HMGB1: variants seen among roughly 807,000 people sequenced by gnomAD.
HMGB1 encodes high mobility group protein B1.
For missense variants in HMGB1, 79 were observed against 253.5 expected, an observed-to-expected ratio of 0.31 and a Z score of 4.67; for synonymous variants, 81 against 84.0, an observed-to-expected ratio of 0.96 and a Z score of 0.19.
chr13:30,593,880 A>G (rs1350887154), intron 1 of HMGB1, among the ~76,000 whole-genome samples: 1 of 152,240 alleles, frequency 6.6e-6, no homozygotes, highest in African/African-American at 2.4e-5. Context: ...GAAATGTTAC[A>G]GATTGAAGGA....
At chr13:30,569,192 G>C (rs969323943) in intron 1 of HMGB1, among the ~76,000 whole-genome samples, 1 of 152,076 alleles carries the variant, frequency 6.6e-6, no homozygotes, top group African/African-American at 2.4e-5. Flanking sequence ...GTCTTACGTA[G>C]CAAAAAGAAG....
rs144364467 is a variant in HMGB1, at chr13:30,528,203, A to G, written c.-14-64509T>C. ...TTGACTCAGGGCTCCCATCGCCAGCAAAATGTAAATATGAAATGTCTTTTT... is the reference window on the plus strand; with the variant it reads ...TTGACTCAGGGCTCCCATCGCCAGCGAAATGTAAATATGAAATGTCTTTTT... On this transcript the variant is annotated intron_variant, in intron 1 of 4. Coordinates refer to the HMGB1 transcript ENST00000405805. Among the ~76,000 whole-genome samples, 774 of 152,356 alleles carry G rather than the reference A, an allele frequency of 5.1e-3. 11 individuals carry two copies. The highest frequency in any genetic ancestry group is 0.018 in the African/African-American group (738 of 41,586).
At chr13:30,529,482 T>C (rs1463297108) in intron 1 of HMGB1, among the ~76,000 whole-genome samples, 2 of 152,210 alleles carry the variant, frequency 1.3e-5, no homozygotes, top group African/African-American at 4.8e-5. Flanking sequence ...TTTTGCCACA[T>C]TTTAAAGTTT....
intron 1 of HMGB1, among the ~76,000 whole-genome samples, chr13:30,613,944 G>A (rs1048489703): frequency 1.3e-5 from 2 of 150,980 alleles, no homozygotes; most frequent in East Asian, 3.8e-4. Context: ...ATGAAATAAT[G>A]GTACATTATA....
intron 1 of HMGB1, among the ~76,000 whole-genome samples, chr13:30,604,204 C>T (rs899383837): frequency 2.0e-5 from 3 of 152,018 alleles, no homozygotes; most frequent in Non-Finnish European, 4.4e-5. Flanking sequence ...TCTGTAGGCA[C>T]TTACAGATTT....
At chr13:30,556,391 A>G (rs1869690584) in intron 1 of HMGB1, among the ~76,000 whole-genome samples, 1 of 152,192 alleles carries the variant, frequency 6.6e-6, no homozygotes, top group Admixed American at 6.5e-5. Flanking sequence ...GCAACAAGAG[A>G]GAAACTCTGT....
intron 1 of HMGB1, among the ~76,000 whole-genome samples, chr13:30,611,914 A>G (rs192177484): frequency 6.6e-6 from 1 of 152,236 alleles, no homozygotes; most frequent in African/African-American, 2.4e-5. Context: ...AAGAGTATCA[A>G]TTATGCATAC....
chr13:30,561,942 G>C (rs1013201571), intron 1 of HMGB1, among the ~76,000 whole-genome samples: 6 of 152,206 alleles, frequency 3.9e-5, no homozygotes, highest in Middle Eastern at 3.2e-3. Flanking sequence ...ACTTCTGAGT[G>C]AATGTGGAGA....
intron 1 of HMGB1, among the ~76,000 whole-genome samples, chr13:30,611,851 T>TA (rs60637307): frequency 0.11 from 13,503 of 120,516 alleles, 1,375 homozygotes; most frequent in African/African-American, 0.29. Context: ...ACAGTAAATG[T>TA]AAAAAAAAAA....
intron 1 of HMGB1, among the ~76,000 whole-genome samples, chr13:30,531,508 A>ATGTG (rs1348240878): frequency 6.0e-5 from 6 of 100,100 alleles, no homozygotes; most frequent in Admixed American, 1.1e-4. Context: ...GGTAACATAT[A>ATGTG]CGTGTGTGTG....
intron 1 of HMGB1, among the ~76,000 whole-genome samples, chr13:30,539,052 A>G (rs1232097159): frequency 2.0e-5 from 3 of 152,072 alleles, no homozygotes; most frequent in African/African-American, 4.8e-5. Flanking sequence ...GCCTGCCACC[A>G]TGCCCAGCTA....
At chr13:30,502,142 A>G (rs1273157837) in intron 1 of HMGB1, among the ~76,000 whole-genome samples, 1 of 152,228 alleles carries the variant, frequency 6.6e-6, no homozygotes, top group Non-Finnish European at 1.5e-5. Flanking sequence ...AAAATTAGAA[A>G]GTTTGAGTCA....
chr13:30,510,608 G>A (rs1887971059), intron 1 of HMGB1, among the ~76,000 whole-genome samples: 1 of 151,798 alleles, frequency 6.6e-6, no homozygotes, highest in South Asian at 2.1e-4. Flanking sequence ...CACTCAGTTT[G>A]TATGAAAATA....
chr13:30,537,652 C>CCTATATAT (rs1555238610), intron 1 of HMGB1, among the ~76,000 whole-genome samples: 2 of 68,004 alleles, frequency 2.9e-5, no homozygotes, highest in African/African-American at 7.4e-5. Context: ...CATTCTTGTT[C>CCTATATAT]ATATATATAT....
At chr13:30,473,935 A>G (rs1285247243) in intron 1 of HMGB1, among the ~76,000 whole-genome samples, 2 of 152,258 alleles carry the variant, frequency 1.3e-5, no homozygotes, top group African/African-American at 4.8e-5. Context: ...GCTAAGTGAA[A>G]GAGCCCAGAC....
At chr13:30,484,733 G>A (rs1887322794) in intron 1 of HMGB1, among the ~76,000 whole-genome samples, 1 of 151,618 alleles carries the variant, frequency 6.6e-6, no homozygotes. Flanking sequence ...GAGAGAGAGA[G>A]AAAAGAAGGA....
chr13:30,581,533 A>C (rs1365072327), intron 1 of HMGB1, among the ~76,000 whole-genome samples: 3 of 152,228 alleles, frequency 2.0e-5, no homozygotes, highest in African/African-American at 7.2e-5. Context: ...AACAAAGACT[A>C]AAATACTTAT....
intron 1 of HMGB1, among the ~76,000 whole-genome samples, chr13:30,522,684 G>A (rs1179998837): frequency 6.6e-6 from 1 of 152,066 alleles, no homozygotes; most frequent in Non-Finnish European, 1.5e-5. Flanking sequence ...ATGTGATATT[G>A]GGAAAAGGCT....
At chr13:30,516,542 A>G (rs769689222) in intron 1 of HMGB1, among the ~76,000 whole-genome samples, 2 of 152,206 alleles carry the variant, frequency 1.3e-5, no homozygotes, top group Non-Finnish European at 2.9e-5. Flanking sequence ...GTCATCTAAT[A>G]CTTTATAATT....
Sources: allele counts gnomAD v4.1 joint callset (sites outside exome capture counted in the v4.1 genomes callset), GRCh38; gene constraint gnomAD v4.1.1; transcripts MANE v1.5; gene names NCBI Gene and HGNC (gene_info 2026-07-23, HGNC 2026-07-21).